GNAQ: variants seen among roughly 807,000 people sequenced by gnomAD.
GNAQ encodes the protein guanine nucleotide-binding protein G(q) subunit alpha.
Under a neutral mutation model 43.9 loss-of-function variants are expected in GNAQ, and 8 were observed. That is an observed-to-expected ratio of 0.18 (90% CI 0.11 to 0.33). The LOEUF (loss-of-function observed/expected upper bound fraction) is 0.33. Among genes scored for constraint, GNAQ ranks in the 10% least tolerant of loss-of-function variants. GNAQ has a pLI of 1.00. For synonymous variants in GNAQ, 155 were observed against 170.7 expected, an observed-to-expected ratio of 0.91 and a Z score of 0.71; for missense variants, 158 against 450.8, an observed-to-expected ratio of 0.35 and a Z score of 5.88.
At chr9:77,754,711 A>G (rs1021279832) in intron 5 of GNAQ, among the ~76,000 whole-genome samples, 12 of 152,234 alleles carry the variant, frequency 7.9e-5, no homozygotes, top group African/African-American at 2.9e-4. Context: ...CATCAACTTA[A>G]GAGACCCAGA....
intron 1 of GNAQ, among the ~76,000 whole-genome samples, chr9:77,976,830 G>C (rs1208222155): frequency 6.6e-6 from 1 of 152,198 alleles, no homozygotes; most frequent in African/African-American, 2.4e-5. Flanking sequence ...CTAAAAACCT[G>C]CTCTCCATAC....
intron 1 of GNAQ, among the ~76,000 whole-genome samples, chr9:77,926,834 G>A (rs1255141960): frequency 6.6e-6 from 1 of 152,084 alleles, no homozygotes; most frequent in Non-Finnish European, 1.5e-5. Flanking sequence ...AGATTACCCA[G>A]AAATGAGACT....
rs1827902580 is a variant in GNAQ at position 77,863,877 on chromosome 9, AG to A, written c.322-48108del. ...CTTATTCATGATCACGAGAATAGCA[AG>A]GGAAAGACCTGCCGCCATGATTCAA... On this transcript the variant is annotated intron_variant, in intron 2 of 6. Coordinates refer to ENST00000286548, the MANE Select transcript of GNAQ (RefSeq NM_002072.5). Among the ~76,000 whole-genome samples the A allele has an allele frequency of 1.2e-4, 19 of 152,298 alleles. No homozygotes were observed. The South Asian group carries it at 3.9e-3, about 32-fold the overall frequency.
At chr9:77,894,878 A>C in intron 2 of GNAQ, among the ~76,000 whole-genome samples, 1 of 152,112 alleles carries the variant, frequency 6.6e-6, no homozygotes, top group South Asian at 2.1e-4. Flanking sequence ...TTTTCTCTTA[A>C]ATAAAATAAC....
chr9:77,753,086 C>CAAAAAA (rs547963667), intron 5 of GNAQ, among the ~76,000 whole-genome samples: 19 of 52,556 alleles, frequency 3.6e-4, no homozygotes, highest in East Asian at 1.2e-3. Flanking sequence ...GACTCTGTCT[C>CAAAAAA]AAAAAAAAAA....
At position 77,927,828 on chromosome 9, in the gene GNAQ, C is replaced by T. The variant is rs75428760; in HGVS notation, c.137-5483G>A. Among the ~76,000 whole-genome samples, 524 of 152,208 alleles carry T rather than the reference C, an allele frequency of 3.4e-3. 2 individuals are homozygous for T. Among genetic ancestry groups the T allele is most frequent in the African/African-American group, 0.012 (509 of 41,530 alleles). ...GAAGATCTTAATGAATGGGAAGGCT[C>T]AGGACGAATGCCCCCACCCCACTCT... On this transcript the variant is annotated intron_variant, in intron 1 of 6. Transcript: ENST00000286548.
chr9:77,958,127 C>T (rs1261887403), intron 1 of GNAQ, among the ~76,000 whole-genome samples: 1 of 152,156 alleles, frequency 6.6e-6, no homozygotes, highest in African/African-American at 2.4e-5. Flanking sequence ...ACTGATAAAT[C>T]TGTTGGGAGG....
At chr9:78,030,431 T>G (rs192240801) in intron 1 of GNAQ, 2 of 451,842 alleles carry the variant, frequency 4.4e-6, no homozygotes, top group Non-Finnish European at 9.2e-6. Flanking sequence ...ACAGCACTTG[T>G]GTGACACATT....
At chr9:77,897,942 G>GAA (rs5898570) in intron 2 of GNAQ, among the ~76,000 whole-genome samples, 3 of 124,700 alleles carry the variant, frequency 2.4e-5, no homozygotes, top group East Asian at 2.4e-4. Flanking sequence ...ACTTTCCCTG[G>GAA]AAAAAAAAAA....
At chr9:77,860,121 TA>T (rs771164516) in intron 2 of GNAQ, among the ~76,000 whole-genome samples, 11 of 152,186 alleles carry the variant, frequency 7.2e-5, no homozygotes, top group Non-Finnish European at 1.3e-4. Flanking sequence ...GATTTCATAT[TA>T]AAGCTGCCCT....
chr9:77,931,189 CA>C (rs1829144579), intron 1 of GNAQ, among the ~76,000 whole-genome samples: 1 of 149,004 alleles, frequency 6.7e-6, no homozygotes, highest in Non-Finnish European at 1.5e-5. Flanking sequence ...CCCTGTCCTA[CA>C]AGCATCTCAA....
chr9:78,000,857 A>G (rs753106291), intron 1 of GNAQ, among the ~76,000 whole-genome samples: 7 of 152,192 alleles, frequency 4.6e-5, no homozygotes, highest in African/African-American at 9.7e-5. Context: ...AAAATGTTTA[A>G]AAGTATGTAA....
intron 5 of GNAQ, among the ~76,000 whole-genome samples, chr9:77,758,350 AC>A (rs1276058658): frequency 6.6e-6 from 1 of 152,268 alleles, no homozygotes; most frequent in Non-Finnish European, 1.5e-5. Context: ...AAAGCCTTGT[AC>A]AACATCACAA....
chr9:77,863,543 C>G (rs555135636), intron 2 of GNAQ, among the ~76,000 whole-genome samples: 5 of 152,182 alleles, frequency 3.3e-5, no homozygotes, highest in Non-Finnish European at 7.3e-5. Context: ...CTGTTCCCAC[C>G]TCTGCCTATT....
chr9:77,763,141 C>CAAAAAA (rs34812363), intron 5 of GNAQ, among the ~76,000 whole-genome samples: 11 of 64,834 alleles, frequency 1.7e-4, no homozygotes, highest in African/African-American at 3.8e-4. Flanking sequence ...AACAAACAAA[C>CAAAAAA]AAAAAAAAAA....
rs558068046 is a variant in GNAQ at position 77,975,225 on chromosome 9, G to A, written c.137-52880C>T. Reference sequence around the variant, plus strand: ...CAGCAAACGAAAACATTTAAGTGCCGTAAATAAATCTTGGACAGTCACATT... The same window carrying A: ...CAGCAAACGAAAACATTTAAGTGCCATAAATAAATCTTGGACAGTCACATT... On this transcript the variant is annotated intron_variant, in intron 1 of 6. Transcript: ENST00000286548. Among the ~76,000 whole-genome samples, 9 of 152,288 alleles carry A rather than the reference G, an allele frequency of 5.9e-5. No individual in the cohort carries two copies. In the East Asian group the frequency reaches 9.7e-4, roughly 16 times the overall value.
intron 1 of GNAQ, among the ~76,000 whole-genome samples, chr9:78,023,558 A>G (rs865841129): frequency 6.6e-6 from 1 of 152,278 alleles, no homozygotes; most frequent in Middle Eastern, 3.4e-3. Context: ...AGAAGCAACT[A>G]GATGCCTGCA....
At chr9:77,952,311 T>A (rs996810894) in intron 1 of GNAQ, among the ~76,000 whole-genome samples, 1 of 152,166 alleles carries the variant, frequency 6.6e-6, no homozygotes, top group African/African-American at 2.4e-5. Flanking sequence ...AGAGAAGAAA[T>A]CTTTTTAATT....
At chr9:77,815,976 T>G (rs1440214689) in intron 2 of GNAQ, among the ~76,000 whole-genome samples, 1 of 152,180 alleles carries the variant, frequency 6.6e-6, no homozygotes, top group Non-Finnish European at 1.5e-5. Flanking sequence ...TAAACCTTGA[T>G]GCTACTTAGA....
Sources: gnomAD v4.1 joint callset for allele counts (sites outside exome capture counted in the v4.1 genomes callset) on GRCh38, gnomAD v4.1.1 for gene constraint, MANE v1.5 for transcripts, NCBI Gene and HGNC (gene_info 2026-07-23, HGNC 2026-07-21) for gene names.